Variants in RANBP9 observed in about 807,000 individuals in gnomAD.
RANBP9 encodes the protein ran-binding protein 9.
RANBP9 carries 15 observed loss-of-function variants against 84.3 expected under a neutral mutation model. The observed-to-expected ratio is 0.18, with a 90% CI of 0.12 to 0.27. The LOEUF is 0.27. Among genes scored for constraint, RANBP9 ranks in the 10% least tolerant of loss-of-function variants. RANBP9 has a pLI of 1.00. For synonymous variants in RANBP9, 392 were observed against 349.6 expected, an observed-to-expected ratio of 1.12 and a Z score of -1.35; for missense variants, 809 against 912.8, an observed-to-expected ratio of 0.89 and a Z score of 1.46.
chr6:13,624,744 C>G (rs1228114512), intron 13 of RANBP9, among the ~76,000 whole-genome samples: 1 of 152,186 alleles, frequency 6.6e-6, no homozygotes, highest in Non-Finnish European at 1.5e-5. Flanking sequence ...GATGCTCACC[C>G]CTGGCTAAGC....
At chr6:13,673,179 A>T (rs931098762) in intron 2 of RANBP9, among the ~76,000 whole-genome samples, 1 of 152,182 alleles carries the variant, frequency 6.6e-6, no homozygotes, top group Non-Finnish European at 1.5e-5. Context: ...CTCTATATAA[A>T]AGAAGGGCAA....
intron 4 of RANBP9, among the ~76,000 whole-genome samples, chr6:13,656,071 GTT>G: frequency 6.6e-6 from 1 of 152,144 alleles, no homozygotes; most frequent in South Asian, 2.1e-4. Flanking sequence ...TATGAAAAAA[GTT>G]AACTTTATTG....
chr6:13,692,846 CTG>C (rs1399740548), intron 2 of RANBP9, among the ~76,000 whole-genome samples: 1 of 152,236 alleles, frequency 6.6e-6, no homozygotes, highest in Admixed American at 6.5e-5. Flanking sequence ...GAGCAAGACT[CTG>C]TCTCAAAACA....
At chr6:13,684,771 T>A (rs1377182136) in intron 2 of RANBP9, among the ~76,000 whole-genome samples, 1 of 152,182 alleles carries the variant, frequency 6.6e-6, no homozygotes, top group Non-Finnish European at 1.5e-5. Context: ...ATGAAGGTGA[T>A]TAAATGCTAT....
rs1260858178 is a variant in RANBP9, at chr6:13,711,403, G to A, written c.103C>T (p.Leu35=). 5.9e-6 allele frequency: 7 copies of A among 1,184,128 alleles called. No homozygotes were observed. Among genetic ancestry groups the A allele is most frequent in the South Asian group, 4.2e-5 (1 of 23,938 alleles). 73.4% of individuals were successfully genotyped at this position (1,184,128 alleles called of 1,614,324 possible). Residue 35 remains leucine, a synonymous_variant, in exon 1 of 14, where the codon CTG becomes TTG. Coordinates refer to ENST00000011619, the MANE Select transcript of RANBP9 (RefSeq NM_005493.3). ...AALAPVSGVV[L]PAPPAVSAGS... ...GCGCTGACGGCCGGGGGCGCCGGCA[G>A]GACGACTCCGGAGACTGGGGCCAAG...
intron 1 of RANBP9, among the ~76,000 whole-genome samples, chr6:13,697,753 G>A (rs1035172485): frequency 1.3e-5 from 2 of 152,090 alleles, no homozygotes; most frequent in Non-Finnish European, 2.9e-5. Context: ...AGAAGTTGAA[G>A]TAGCATGTCA....
At chr6:13,709,992 A>AT (rs937987336) in intron 1 of RANBP9, among the ~76,000 whole-genome samples, 44 of 151,826 alleles carry the variant, frequency 2.9e-4, no homozygotes, top group East Asian at 3.9e-4. Context: ...CGTTAGGTTG[A>AT]TTTTTTTTTC....
intron 13 of RANBP9, among the ~76,000 whole-genome samples, chr6:13,624,187 A>G (rs1229176151): frequency 6.6e-6 from 1 of 152,236 alleles, no homozygotes; most frequent in East Asian, 1.9e-4. Flanking sequence ...CACTACTCCT[A>G]TTCCCAAACT....
chr6:13,637,864 T>A lies in RANBP9; in HGVS notation c.1617A>T (p.Val539=). 2 of 1,610,336 alleles carry A rather than the reference T, an allele frequency of 1.2e-6. No individual in the cohort carries two copies. The highest frequency in any genetic ancestry group is 1.7e-6 in the Non-Finnish European group (2 of 1,176,996). The change falls in exon 10 of 14, where the codon GTA becomes GTT. Residue 539 remains valine (V), a synonymous_variant. Transcript: ENST00000011619. ...SNKHQSSNLN[V]PELNSINMSR... is the part of the protein sequence containing the mutation. Reference sequence around the variant, plus strand: ...ACATATTTATACTGTTTAGTTCTGGTACATTCAAGTTGGATGACTGGTGTT... The same window carrying A: ...ACATATTTATACTGTTTAGTTCTGGAACATTCAAGTTGGATGACTGGTGTT...
chr6:13,693,764 C>T (rs1317021796), intron 2 of RANBP9, among the ~76,000 whole-genome samples: 5 of 152,160 alleles, frequency 3.3e-5, no homozygotes, highest in East Asian at 1.9e-4. Flanking sequence ...AGCTAGAGGC[C>T]GGGTGTTGTG....
At chr6:13,625,417 C>T (rs947814394) in intron 13 of RANBP9, among the ~76,000 whole-genome samples, 1 of 152,164 alleles carries the variant, frequency 6.6e-6, no homozygotes, top group Admixed American at 6.5e-5. Context: ...CACACAAAAA[C>T]TTCTATTTCC....
At position 13,622,214 on chromosome 6, in the gene RANBP9, C is replaced by A; in HGVS notation, c.*148G>T. 1 of 728,116 alleles carries A rather than the reference C, an allele frequency of 1.4e-6. No homozygotes were observed. 45.1% of individuals were successfully genotyped at this position (728,116 alleles called of 1,614,324 possible). ...CACTAAGTTAGAAAATCATTTGCAT[C>A]ATGCTGTAAACTAGGAAGCAATGTA... On this transcript the variant is annotated 3_prime_UTR_variant, in exon 14 of 14. Coordinates refer to ENST00000011619, the MANE Select transcript of RANBP9 (RefSeq NM_005493.3).
intron 6 of RANBP9, among the ~76,000 whole-genome samples, chr6:13,642,958 A>G (rs1032211787): frequency 1.3e-5 from 2 of 152,192 alleles, no homozygotes; most frequent in African/African-American, 4.8e-5. Flanking sequence ...ACTTTATCAT[A>G]TGACTTATTC....
intron 1 of RANBP9, among the ~76,000 whole-genome samples, chr6:13,709,124 A>G (rs1190496367): frequency 6.6e-6 from 1 of 152,246 alleles, no homozygotes; most frequent in African/African-American, 2.4e-5. Flanking sequence ...CTAATTTCAT[A>G]TAAACGTGTA....
chr6:13,681,616 T>C (rs909242678), intron 2 of RANBP9, among the ~76,000 whole-genome samples: 3 of 151,434 alleles, frequency 2.0e-5, no homozygotes, highest in Admixed American at 2.0e-4. Flanking sequence ...ATAGATAAAA[T>C]AAAAAAATTC....
chr6:13,643,714 C>T (rs1374838027), intron 6 of RANBP9, among the ~76,000 whole-genome samples: 3 of 152,066 alleles, frequency 2.0e-5, no homozygotes, highest in African/African-American at 7.2e-5. Context: ...ACAGTGTGGC[C>T]CCAGAACAAC....
In RANBP9 at chr6:13,659,067, A is replaced by G. The variant is rs910623594; in HGVS notation, c.684-235T>C. On this transcript the variant is annotated intron_variant, in intron 2 of 13. Coordinates refer to ENST00000011619, the MANE Select transcript of RANBP9 (RefSeq NM_005493.3). ...AATAATTCATAAATACACACAAAGCATTAATATACAGCTATGCACTCTACT... is the reference window on the plus strand; with the variant it reads ...AATAATTCATAAATACACACAAAGCGTTAATATACAGCTATGCACTCTACT... 5.3e-5 allele frequency among the ~76,000 whole-genome samples: 8 copies of G among 152,240 alleles called. No homozygotes were observed. In the East Asian group the frequency reaches 7.7e-4, roughly 15 times the overall value.
At chr6:13,636,381 T>A (rs1764940409) in intron 10 of RANBP9, among the ~76,000 whole-genome samples, 1 of 152,214 alleles carries the variant, frequency 6.6e-6, no homozygotes. Flanking sequence ...ACTTATAGCT[T>A]AAGGCAGTTC....
chr6:13,627,686 A>G (rs1764653722), intron 12 of RANBP9, among the ~76,000 whole-genome samples: 1 of 151,978 alleles, frequency 6.6e-6, no homozygotes, highest in Non-Finnish European at 1.5e-5. Flanking sequence ...AGCTTTGCTC[A>G]AGACTTAATT....
Sources: allele counts gnomAD v4.1 joint callset (sites outside exome capture counted in the v4.1 genomes callset), GRCh38; gene constraint gnomAD v4.1.1; transcripts MANE v1.5; gene names NCBI Gene and HGNC (gene_info 2026-07-23, HGNC 2026-07-21).